PAK5: variants seen among roughly 807,000 people sequenced by gnomAD.
PAK5 encodes the protein p21 (RAC1) activated kinase 5.
A neutral mutation model predicts 65.9 loss-of-function variants in PAK5; 16 were observed. That is an observed-to-expected ratio of 0.24 (90% CI 0.16 to 0.37). The LOEUF (loss-of-function observed/expected upper bound fraction) is 0.37, where lower values mean the gene tolerates loss of function less well. Among genes scored for constraint, PAK5 ranks in the 10% least tolerant of loss-of-function variants. The pLI is 1.00. For synonymous variants in PAK5, 371 were observed against 354.9 expected, an observed-to-expected ratio of 1.05 and a Z score of -0.51; for missense variants, 785 against 903.9, an observed-to-expected ratio of 0.87 and a Z score of 1.69.
intron 1 of PAK5, among the ~76,000 whole-genome samples, chr20:9,816,208 A>G (rs1379896309): frequency 6.6e-6 from 1 of 152,162 alleles, no homozygotes; most frequent in African/African-American, 2.4e-5. Context: ...GGCAACTTGA[A>G]TCTGTGTTCC....
At chr20:9,597,253 G>A (rs1419490097) in intron 3 of PAK5, among the ~76,000 whole-genome samples, 2 of 152,136 alleles carry the variant, frequency 1.3e-5, no homozygotes, top group African/African-American at 4.8e-5. Flanking sequence ...TGCTTTGAAG[G>A]CTCTCTCCAT....
chr20:9,746,902 T>G (rs1251830235), intron 1 of PAK5, among the ~76,000 whole-genome samples: 1 of 152,154 alleles, frequency 6.6e-6, no homozygotes, highest in Non-Finnish European at 1.5e-5. Context: ...AGGAGCTGGT[T>G]TTTTGAAAGG....
intron 1 of PAK5, among the ~76,000 whole-genome samples, chr20:9,751,164 G>A (rs6056841): frequency 3.9e-5 from 6 of 152,070 alleles, no homozygotes; most frequent in African/African-American, 1.4e-4. Context: ...GAATCTATGA[G>A]GTAAAAGGTC....
intron 4 of PAK5, among the ~76,000 whole-genome samples, chr20:9,579,246 T>C (rs2045937799): frequency 6.6e-6 from 1 of 152,198 alleles, no homozygotes; most frequent in Non-Finnish European, 1.5e-5. Flanking sequence ...AAGACCTCTA[T>C]GTAATCCACA....
intron 1 of PAK5, among the ~76,000 whole-genome samples, chr20:9,828,098 G>A (rs1055476226): frequency 6.6e-6 from 1 of 152,074 alleles, no homozygotes; most frequent in Non-Finnish European, 1.5e-5. Context: ...GCCTCCCAGA[G>A]TGCTGGGATT....
At position 9,560,927 on chromosome 20, in the gene PAK5, G is replaced by A. The variant is rs187582355; in HGVS notation, c.1616+1964C>T. Among the ~76,000 whole-genome samples, 380 of 152,266 alleles carry A rather than the reference G, an allele frequency of 2.5e-3. 2 individuals are homozygous for A. The highest frequency in any genetic ancestry group is 8.8e-3 in the African/African-American group (364 of 41,552). On this transcript the variant is annotated intron_variant, in intron 6 of 9. Coordinates refer to ENST00000353224, the MANE Select transcript of PAK5 (RefSeq NM_177990.4). ...TACAGCATGGATTCTCATTTAGTTGGTCTGGGGTAGTACCTGAGATTCTGC... is the reference window on the plus strand; with the variant it reads ...TACAGCATGGATTCTCATTTAGTTGATCTGGGGTAGTACCTGAGATTCTGC...
At position 9,550,731 on chromosome 20, in the gene PAK5, G is replaced by GGTGTGTGT. The variant is rs111410496; in HGVS notation, c.1744-6245_1744-6238dup. Among the ~76,000 whole-genome samples, 994 of 148,536 alleles carry GGTGTGTGT rather than the reference G, an allele frequency of 6.7e-3. 7 individuals carry two copies. Among genetic ancestry groups the GGTGTGTGT allele is most frequent in the African/African-American group, 0.019 (770 of 40,188 alleles). On this transcript the variant is annotated intron_variant, in intron 7 of 9. Coordinates refer to ENST00000353224, the MANE Select transcript of PAK5 (RefSeq NM_177990.4). ...TAGGAAGCATAGAAACCATAATTGT[G>GGTGTGTGT]GTGTGTGTGTGTGTGTGTGTGTGTG... is the stretch of plus-strand genomic sequence containing the variant.
chr20:9,612,069 G>C lies in PAK5; in HGVS notation c.205-31139C>G, dbSNP rs567319048. Among the ~76,000 whole-genome samples, 20 of 152,252 alleles carry C rather than the reference G, an allele frequency of 1.3e-4. No individual in the cohort carries two copies. The South Asian group carries it at 3.7e-3, about 28-fold the overall frequency. ...GCCACCCCCATGCCCCTGAGGCACAGGGTGTCTGGCCCCCCATGGAAAATG... is the reference window on the plus strand; with the variant it reads ...GCCACCCCCATGCCCCTGAGGCACACGGTGTCTGGCCCCCCATGGAAAATG... On this transcript the variant is annotated intron_variant, in intron 3 of 9. Transcript: ENST00000353224.
chr20:9,590,387 C>T (rs1032418949), intron 3 of PAK5, among the ~76,000 whole-genome samples: 6 of 152,120 alleles, frequency 3.9e-5, no homozygotes, highest in African/African-American at 7.2e-5. Context: ...GACTCATGGG[C>T]CAAATCTGGC....
intron 3 of PAK5, among the ~76,000 whole-genome samples, chr20:9,609,683 T>C (rs985993629): frequency 1.3e-5 from 2 of 152,194 alleles, no homozygotes; most frequent in Non-Finnish European, 2.9e-5. Context: ...TCCTGGAAGA[T>C]TTTACACCAG....
chr20:9,699,341 A>G (rs576784008), intron 2 of PAK5, among the ~76,000 whole-genome samples: 1 of 152,038 alleles, frequency 6.6e-6, no homozygotes, highest in African/African-American at 2.4e-5. Flanking sequence ...ATAGGCTGGG[A>G]GCTTCTTTTA....
intron 1 of PAK5, among the ~76,000 whole-genome samples, chr20:9,768,700 T>C (rs2048798495): frequency 6.7e-6 from 1 of 149,442 alleles, no homozygotes; most frequent in African/African-American, 2.5e-5. Flanking sequence ...AGAGAATCGC[T>C]TGAATCCAGG....
At chr20:9,683,254 A>G (rs1203879797) in intron 2 of PAK5, among the ~76,000 whole-genome samples, 2 of 152,234 alleles carry the variant, frequency 1.3e-5, no homozygotes, top group African/African-American at 4.8e-5. Flanking sequence ...CATGCCCCAC[A>G]GTCGGTGAAT....
intron 2 of PAK5, among the ~76,000 whole-genome samples, chr20:9,670,739 T>C (rs1310640686): frequency 1.3e-5 from 2 of 152,212 alleles, no homozygotes; most frequent in Non-Finnish European, 2.9e-5. Context: ...TTCACTCTGA[T>C]GGTAGTTTCT....
chr20:9,783,141 G>A (rs888672493), intron 1 of PAK5, among the ~76,000 whole-genome samples: 1 of 151,878 alleles, frequency 6.6e-6, no homozygotes, highest in East Asian at 1.9e-4. Flanking sequence ...TCTCCATCTT[G>A]GTCAGGCTGG....
intron 7 of PAK5, among the ~76,000 whole-genome samples, chr20:9,551,131 A>G (rs563221058): frequency 3.3e-5 from 5 of 152,330 alleles, no homozygotes; most frequent in African/African-American, 1.2e-4. Flanking sequence ...ACAATTTTCT[A>G]AAAGAACATA....
intron 1 of PAK5, among the ~76,000 whole-genome samples, chr20:9,768,634 T>C (rs1029795206): frequency 2.6e-5 from 4 of 151,608 alleles, no homozygotes; most frequent in Non-Finnish European, 5.9e-5. Flanking sequence ...AATACAAAAA[T>C]TATACGGGTA....
At chr20:9,726,188 T>C (rs1255412336) in intron 1 of PAK5, among the ~76,000 whole-genome samples, 1 of 152,154 alleles carries the variant, frequency 6.6e-6, no homozygotes, top group East Asian at 1.9e-4. Flanking sequence ...TTGTCATAAA[T>C]AAGTTTCCCA....
chr20:9,798,289 T>G (rs16996418), intron 1 of PAK5, among the ~76,000 whole-genome samples: 8,769 of 152,170 alleles, frequency 0.058, 360 homozygotes, highest in South Asian at 0.19. Flanking sequence ...ACGTGTGTAA[T>G]GTAAAGATGG....
Sources: allele counts gnomAD v4.1 joint callset (sites outside exome capture counted in the v4.1 genomes callset), GRCh38; gene constraint gnomAD v4.1.1; transcripts MANE v1.5; gene names NCBI Gene and HGNC (gene_info 2026-07-23, HGNC 2026-07-21).